THRB: variants seen among roughly 807,000 people sequenced by gnomAD.
The protein encoded by THRB is nuclear receptor subfamily 1 group A member 2.
THRB carries 12 observed loss-of-function variants against 47.8 expected under a neutral mutation model. The observed-to-expected ratio is 0.25, with a 90% CI of 0.16 to 0.41. The LOEUF is 0.41. THRB is among the 10% of genes least tolerant of loss of function. THRB has a pLI of 1.00. For missense variants in THRB, 348 were observed against 589.2 expected, an observed-to-expected ratio of 0.59 and a Z score of 4.24; for synonymous variants, 218 against 212.2, an observed-to-expected ratio of 1.03 and a Z score of -0.24.
intron 1 of THRB, among the ~76,000 whole-genome samples, chr3:24,489,804 C>T (rs1260941390): frequency 6.6e-6 from 1 of 152,100 alleles, no homozygotes; most frequent in African/African-American, 2.4e-5. Context: ...TTACTTGTGA[C>T]TCAGTGATTT....
At chr3:24,398,932 G>C (rs62255407) in intron 1 of THRB, among the ~76,000 whole-genome samples, 1 of 152,074 alleles carries the variant, frequency 6.6e-6, no homozygotes, top group African/African-American at 2.4e-5. Flanking sequence ...TTTGTAGGGA[G>C]ATGGATGAAG....
intron 3 of THRB, among the ~76,000 whole-genome samples, chr3:24,254,037 T>C (rs1368572034): frequency 6.6e-6 from 1 of 151,420 alleles, no homozygotes; most frequent in Non-Finnish European, 1.5e-5. Flanking sequence ...TTCACTAGAT[T>C]TGATTATTCA....
chr3:24,382,321 T>A (rs1279106334), intron 1 of THRB, among the ~76,000 whole-genome samples: 34 of 152,156 alleles, frequency 2.2e-4, no homozygotes, highest in Admixed American at 2.0e-3. Context: ...AATGCATCTA[T>A]GCAGGTGACT....
At chr3:24,131,963 ATC>A (rs2033925895) in intron 9 of THRB, among the ~76,000 whole-genome samples, 2 of 152,186 alleles carry the variant, frequency 1.3e-5, no homozygotes, top group South Asian at 4.1e-4. Flanking sequence ...GGGGCAAGAT[ATC>A]TGTTTCCCGA....
chr3:24,162,674 C>T lies in THRB; in HGVS notation c.284-10184G>A, dbSNP rs147078072. Among the ~76,000 whole-genome samples the T allele has an allele frequency of 9.0e-5, 12 of 132,920 alleles. No homozygotes were observed. The East Asian group carries it at 1.3e-3, about 14-fold the overall frequency. The allele number at this position is 132,920 out of a possible 152,430, so 87.2% of individuals were successfully genotyped here. A position where few individuals can be genotyped will look rare whatever the true frequency, so the allele number is the denominator to read the frequency against. ...TCCAGAACTTGATAACTTATTCTGTCGGCTATGAATGCAAAAAAAAAAAAA... is the reference window on the plus strand; with the variant it reads ...TCCAGAACTTGATAACTTATTCTGTTGGCTATGAATGCAAAAAAAAAAAAA... On this transcript the variant is annotated intron_variant, in intron 5 of 10. Coordinates refer to ENST00000646209, the MANE Select transcript of THRB (RefSeq NM_001354712.2).
intron 1 of THRB, among the ~76,000 whole-genome samples, chr3:24,398,633 C>G (rs1417695086): frequency 5.3e-5 from 8 of 152,172 alleles, no homozygotes; most frequent in Admixed American, 5.2e-4. Flanking sequence ...GTTGGTGGGA[C>G]TGTAAACTAG....
chr3:24,459,513 G>C (rs1377691138), intron 1 of THRB: 1 of 152,256 alleles, frequency 6.6e-6, no homozygotes, highest in African/African-American at 2.4e-5. Flanking sequence ...GGTATTTCTA[G>C]CTCTAGATCC....
chr3:24,223,505 C>A (rs2047360698), intron 4 of THRB, among the ~76,000 whole-genome samples: 1 of 151,940 alleles, frequency 6.6e-6, no homozygotes, highest in Non-Finnish European at 1.5e-5. Context: ...GCTATGGAAC[C>A]ATATTTACAA....
intron 7 of THRB, among the ~76,000 whole-genome samples, chr3:24,145,996 C>T (rs2036039040): frequency 6.6e-6 from 1 of 152,076 alleles, no homozygotes; most frequent in South Asian, 2.1e-4. Context: ...TGGTGTAAAT[C>T]CCTCGCACAG....
intron 1 of THRB, among the ~76,000 whole-genome samples, chr3:24,378,997 C>G (rs752867393): frequency 3.3e-5 from 5 of 152,068 alleles, no homozygotes; most frequent in Non-Finnish European, 4.4e-5. Flanking sequence ...TAATCATCAT[C>G]TCATTTAACC....
chr3:24,444,873 C>T (rs1309927684), intron 1 of THRB, among the ~76,000 whole-genome samples: 2 of 152,046 alleles, frequency 1.3e-5, no homozygotes, highest in African/African-American at 4.8e-5. Context: ...CATGAGGCAC[C>T]GTGCCCGGTC....
intron 4 of THRB, among the ~76,000 whole-genome samples, chr3:24,207,535 G>A (rs182129303): frequency 6.6e-6 from 1 of 152,212 alleles, no homozygotes; most frequent in East Asian, 1.9e-4. Context: ...GGGGGCGAGA[G>A]ACATCATCAT....
At position 24,119,249 on chromosome 3, in the gene THRB, G is replaced by A. The variant is rs1218341778; in HGVS notation, c.*3635C>T. On this transcript the variant is annotated 3_prime_UTR_variant, in exon 11 of 11. Transcript: ENST00000646209. ...GCTTATTTTAGAACCTGATGCCATA[G>A]CCGTTGGAAAGGGCAAAGAGATTCA... The A allele has an allele frequency of 6.6e-6, 1 of 152,286 alleles. No homozygotes were observed. Among genetic ancestry groups the A allele is most frequent in the African/African-American group, 2.4e-5 (1 of 41,394 alleles). 9.4% of individuals were successfully genotyped at this position (152,286 alleles called of 1,614,324 possible).
chr3:24,301,207 T>G (rs1576666999), intron 2 of THRB, among the ~76,000 whole-genome samples: 1 of 152,144 alleles, frequency 6.6e-6, no homozygotes, highest in Non-Finnish European at 1.5e-5. Context: ...TCAAACTTCT[T>G]CTCCCCAGAA....
intron 5 of THRB, among the ~76,000 whole-genome samples, chr3:24,169,685 A>ATT (rs915091871): frequency 9.5e-5 from 14 of 147,710 alleles, no homozygotes; most frequent in Admixed American, 2.0e-4. Flanking sequence ...AATAATATAT[A>ATT]TTATATATAT....
chr3:24,317,018 C>A (rs1296646467), intron 2 of THRB, among the ~76,000 whole-genome samples: 2 of 152,202 alleles, frequency 1.3e-5, no homozygotes, highest in Non-Finnish European at 2.9e-5. Flanking sequence ...TCTGTCTCCC[C>A]AAATCGGTTA....
intron 1 of THRB, among the ~76,000 whole-genome samples, chr3:24,425,474 A>G (rs896635461): frequency 6.6e-6 from 1 of 151,922 alleles, no homozygotes. Flanking sequence ...TGCTCCTTAT[A>G]TATTAAGGAT....
chr3:24,334,816 G>A (rs2062139841), intron 2 of THRB, among the ~76,000 whole-genome samples: 8 of 152,188 alleles, frequency 5.3e-5, no homozygotes, highest in Admixed American at 5.2e-4. Context: ...CATCCTGAAT[G>A]TGCCAGACCT....
rs71057662 is a variant in THRB, at chr3:24,243,068, G to GA, written c.-42-14068dup. 4.0e-3 allele frequency among the ~76,000 whole-genome samples: 368 copies of GA among 91,956 alleles called. 2 individuals are homozygous for GA. The highest frequency in any genetic ancestry group is 0.012 in the Admixed American group (87 of 7,288). The allele number at this position is 91,956 out of a possible 152,430, so 60.3% of individuals were successfully genotyped here. On this transcript the variant is annotated intron_variant, in intron 3 of 10. Coordinates refer to ENST00000646209, the MANE Select transcript of THRB (RefSeq NM_001354712.2). ...ACATCAAAATCACCTGCGCACCTTT[G>GA]AAAAAAAAAAAAAAAAAAAAAAAAA... is the stretch of plus-strand genomic sequence containing the variant.
Sources: allele counts gnomAD v4.1 joint callset (sites outside exome capture counted in the v4.1 genomes callset), GRCh38; gene constraint gnomAD v4.1.1; transcripts MANE v1.5; gene names NCBI Gene and HGNC (gene_info 2026-07-23, HGNC 2026-07-21).